IL1RAP: variants seen among roughly 807,000 people sequenced by gnomAD.
The protein encoded by IL1RAP is interleukin 1 receptor accessory protein.
Under a neutral mutation model 60.7 loss-of-function variants are expected in IL1RAP, and 35 were observed. That is an observed-to-expected ratio of 0.58 (90% CI 0.44 to 0.76). The LOEUF is 0.76. IL1RAP is among the 30% of genes least tolerant of loss of function. The probability of loss-of-function intolerance (pLI) is 0.00; values close to 1 mark genes in which losing one functional copy is unlikely to be tolerated. For missense variants in IL1RAP, 572 were observed against 693.9 expected (o/e 0.82, Z 1.97); for synonymous variants, 268 against 250.9 (o/e 1.07, Z -0.64).
intron 3 of IL1RAP, among the ~76,000 whole-genome samples, chr3:190,587,847 G>A (rs1045951229): frequency 3.3e-5 from 5 of 152,198 alleles, no homozygotes; most frequent in African/African-American, 1.2e-4. Context: ...CTGCCCAATA[G>A]CTCTGTGAGC....
Position 190,556,135 on chromosome 3 carries a change from G to A in IL1RAP, c.-83G>A, listed in dbSNP as rs976461365. ...TTTTCATTTTGTTTACATAGGCATC[G>A]TCATGTGATCATCACCTAAGAACTA... On this transcript the variant is annotated 5_prime_UTR_variant, in exon 2 of 12. Transcript: ENST00000447382. 6.6e-6 allele frequency: 1 copy of A among 152,030 alleles called. No homozygotes were observed. Among genetic ancestry groups the A allele is most frequent in the Non-Finnish European group, 1.5e-5 (1 of 68,014 alleles). 9.4% of individuals were successfully genotyped at this position (152,030 alleles called of 1,614,324 possible).
intron 3 of IL1RAP, among the ~76,000 whole-genome samples, chr3:190,595,210 T>C (rs1366103842): frequency 6.6e-6 from 1 of 152,244 alleles, no homozygotes; most frequent in Non-Finnish European, 1.5e-5. Context: ...AGCACCCATT[T>C]AGTATTTGGC....
intron 3 of IL1RAP, among the ~76,000 whole-genome samples, chr3:190,586,264 A>G (rs1416081198): frequency 1.3e-5 from 2 of 152,140 alleles, no homozygotes; most frequent in African/African-American, 4.8e-5. Context: ...TGACAGTGAG[A>G]TCTTTGAGAG....
At chr3:190,626,664 CTTTTTTTT>C (rs766018376) in intron 7 of IL1RAP, among the ~76,000 whole-genome samples, 3 of 99,992 alleles carry the variant, frequency 3.0e-5, no homozygotes, top group African/African-American at 4.3e-5. Context: ...TGTCAGAGAC[CTTTTTTTT>C]TTTTTTTTTT....
chr3:190,537,821 A>G (rs1723597608), intron 1 of IL1RAP, among the ~76,000 whole-genome samples: 2 of 152,086 alleles, frequency 1.3e-5, no homozygotes, highest in Non-Finnish European at 2.9e-5. Flanking sequence ...TAAGACGTAT[A>G]CGATTTCTCC....
chr3:190,655,756 A>G, downstream of IL1RAP: 1 of 637,204 alleles, frequency 1.6e-6, no homozygotes, highest in Non-Finnish European at 2.6e-6. Context: ...TTGACTGGGT[A>G]AATTATTCAG....
chr3:190,596,791 C>T (rs183130884), intron 3 of IL1RAP, among the ~76,000 whole-genome samples: 1 of 152,340 alleles, frequency 6.6e-6, no homozygotes, highest in African/African-American at 2.4e-5. Flanking sequence ...ATTTGCATAA[C>T]AGCCTTTTCC....
At position 190,649,593 on chromosome 3, in the gene IL1RAP, A is replaced by G; in HGVS notation, c.*888A>G. 1 of 985,860 alleles carries G rather than the reference A, an allele frequency of 1.0e-6. No individual in the cohort carries two copies. Among genetic ancestry groups the G allele is most frequent in the Middle Eastern group, 5.2e-4 (1 of 1,914 alleles). The allele number at this position is 985,860 out of a possible 1,614,324, so 61.1% of individuals were successfully genotyped here. A position where few individuals can be genotyped will look rare whatever the true frequency, so the allele number is the denominator to read the frequency against. On this transcript the variant is annotated 3_prime_UTR_variant, in exon 12 of 12. Transcript: ENST00000447382. ...ACTCATGAAAAGAGCACAGAAAAGG[A>G]TGTTTGGCAATTTGTCTTTTAAGTC...
chr3:190,580,160 A>C (rs1282693548), intron 3 of IL1RAP, among the ~76,000 whole-genome samples: 1 of 152,230 alleles, frequency 6.6e-6, no homozygotes. Context: ...ACTACGTTCC[A>C]ACGTAACTGT....
intron 3 of IL1RAP, among the ~76,000 whole-genome samples, chr3:190,590,365 C>G (rs1728841017): frequency 6.6e-6 from 1 of 151,944 alleles, no homozygotes; most frequent in Non-Finnish European, 1.5e-5. Flanking sequence ...AAGCAATTCT[C>G]CTGCCTCACC....
intron 3 of IL1RAP, among the ~76,000 whole-genome samples, chr3:190,593,435 C>T (rs1477255213): frequency 6.6e-6 from 1 of 152,184 alleles, no homozygotes; most frequent in Non-Finnish European, 1.5e-5. Flanking sequence ...CCTGAATAAA[C>T]ATATCTAAGT....
chr3:190,650,014 C>T lies in IL1RAP; in HGVS notation c.*1309C>T. On this transcript the variant is annotated 3_prime_UTR_variant, in exon 12 of 12. Transcript: ENST00000447382. ...CAAATTATATATATACATATCCACA[C>T]ACATACATTACATATATCTGTGTAT... 2 of 568,304 alleles carry T rather than the reference C, an allele frequency of 3.5e-6. No individual in the cohort carries two copies. The highest frequency in any genetic ancestry group is 4.4e-6 in the Non-Finnish European group (2 of 449,922). The allele number at this position is 568,304 out of a possible 1,614,324, so 35.2% of individuals were successfully genotyped here. A position where few individuals can be genotyped will look rare whatever the true frequency, so the allele number is the denominator to read the frequency against.
At chr3:190,569,258 CA>C (rs1354113526) in intron 3 of IL1RAP, among the ~76,000 whole-genome samples, 1 of 152,152 alleles carries the variant, frequency 6.6e-6, no homozygotes, top group Non-Finnish European at 1.5e-5. Context: ...TTTGCAAGGA[CA>C]TACACTATTA....
At chr3:190,567,289 T>G (rs2108636417) in intron 3 of IL1RAP, among the ~76,000 whole-genome samples, 1 of 152,298 alleles carries the variant, frequency 6.6e-6, no homozygotes, top group Non-Finnish European at 1.5e-5. Context: ...AAAGCTTTAT[T>G]TCCCTTTAAG....
chr3:190,594,610 G>C (rs1729223710), intron 3 of IL1RAP, among the ~76,000 whole-genome samples: 1 of 152,170 alleles, frequency 6.6e-6, no homozygotes, highest in African/African-American at 2.4e-5. Context: ...CCACATCCAG[G>C]TGAGAGGCAA....
chr3:190,530,850 C>T (rs1172596556), intron 1 of IL1RAP, among the ~76,000 whole-genome samples: 1 of 152,282 alleles, frequency 6.6e-6, no homozygotes, highest in Middle Eastern at 3.4e-3. Flanking sequence ...TGTTCATTAT[C>T]TCATTTGATT....
intron 3 of IL1RAP, among the ~76,000 whole-genome samples, chr3:190,569,708 C>G (rs1726749263): frequency 6.6e-6 from 1 of 152,006 alleles, no homozygotes; most frequent in African/African-American, 2.4e-5. Flanking sequence ...ACATAATTGG[C>G]TTGATACTGA....
chr3:190,605,697 A>G (rs1730267151), intron 4 of IL1RAP, among the ~76,000 whole-genome samples: 1 of 151,990 alleles, frequency 6.6e-6, no homozygotes, highest in Non-Finnish European at 1.5e-5. Context: ...GTATATGGCC[A>G]TCTTCTCTCC....
intron 5 of IL1RAP, among the ~76,000 whole-genome samples, chr3:190,618,121 A>G (rs981909840): frequency 3.9e-5 from 6 of 152,206 alleles, no homozygotes; most frequent in African/African-American, 1.4e-4. Context: ...CAGGGATGGC[A>G]CAGGTTCAGG....
Sources: allele counts gnomAD v4.1 joint callset (sites outside exome capture counted in the v4.1 genomes callset), GRCh38; gene constraint gnomAD v4.1.1; transcripts MANE v1.5; gene names NCBI Gene and HGNC (gene_info 2026-07-23, HGNC 2026-07-21).